PRDM7: variants seen among roughly 807,000 people sequenced by gnomAD.
PRDM7 encodes the protein histone-lysine N-methyltransferase PRDM7.
A neutral mutation model predicts 64.3 loss-of-function variants in PRDM7; 52 were observed. The observed-to-expected ratio is 0.81, with a 90% CI of 0.65 to 1.02. The LOEUF (loss-of-function observed/expected upper bound fraction) is 1.02, where lower values mean the gene tolerates loss of function less well. Ranked by LOEUF, PRDM7 falls within the 50% of genes least tolerant of loss-of-function variation. The pLI, the probability that PRDM7 is intolerant of heterozygous loss-of-function variation, is 0.00. For synonymous variants in PRDM7, 192 were observed against 210.1 expected, an observed-to-expected ratio of 0.91 and a Z score of 0.74; for missense variants, 574 against 597.1, an observed-to-expected ratio of 0.96 and a Z score of 0.40.
intron 4 of PRDM7, among the ~76,000 whole-genome samples, chr16:90,073,829 C>T (rs1312867911): frequency 6.6e-6 from 1 of 151,716 alleles, no homozygotes; most frequent in Non-Finnish European, 1.5e-5. Flanking sequence ...GTTGCCCAGG[C>T]TGGAGGGTGG....
Position 90,062,454 on chromosome 16 carries a change from C to G in PRDM7, c.557G>C (p.Arg186Thr). The G allele has an allele frequency of 6.2e-7, 1 of 1,614,174 alleles. No homozygotes were observed. Among genetic ancestry groups the G allele is most frequent in the Non-Finnish European group, 8.5e-7 (1 of 1,180,038 alleles). ...GATCTCTTTGTATGCATGACCCTTT[C>G]TTTCTCGCAGGCTATACATCTTTCC... ...TEGKMYSLRE[R>T]KGHAYKEISE... The change falls in exon 7 of 11, where the codon AGA becomes ACA. Residue 186 changes from arginine (R) to threonine (T), a missense_variant. Coordinates refer to ENST00000449207, the MANE Select transcript of PRDM7 (RefSeq NM_001098173.2).
intron 4 of PRDM7, among the ~76,000 whole-genome samples, chr16:90,071,897 T>A (rs542573722): frequency 1.8e-4 from 28 of 152,122 alleles, no homozygotes; most frequent in African/African-American, 5.8e-4. Context: ...TATAATATAT[T>A]AAAAAGAATT....
intron 4 of PRDM7, among the ~76,000 whole-genome samples, chr16:90,073,350 T>C (rs1396353984): frequency 6.6e-6 from 1 of 152,184 alleles, no homozygotes; most frequent in African/African-American, 2.4e-5. Context: ...TGTGATTTAT[T>C]AACATTGTTT....
intron 4 of PRDM7, among the ~76,000 whole-genome samples, chr16:90,073,666 T>C (rs2037994361): frequency 6.6e-6 from 1 of 152,200 alleles, no homozygotes; most frequent in African/African-American, 2.4e-5. Flanking sequence ...CCCAAAGTGC[T>C]GGGATTACAT....
At position 90,058,274 on chromosome 16, in the gene PRDM7, G is replaced by T. The variant is rs1214342594; in HGVS notation, c.*15C>A. On this transcript the variant is annotated 3_prime_UTR_variant, in exon 11 of 11. Transcript: ENST00000449207. ...GAAAAGGCCCTTGAAATCTCCCTCT[G>T]CCATGTCCTTTTATTCAAGAGTTTG... The T allele has an allele frequency of 3.1e-6, 5 of 1,614,132 alleles. No homozygotes were observed. The South Asian group carries it at 5.5e-5, about 18-fold the overall frequency.
intron 1 of PRDM7, among the ~76,000 whole-genome samples, chr16:90,076,902 T>C (rs1186858925): frequency 2.6e-5 from 4 of 151,812 alleles, no homozygotes; most frequent in African/African-American, 9.7e-5. Context: ...TTATCTGTGG[T>C]TGGGGAAATC....
intron 7 of PRDM7, 66 bp from the exon 8 acceptor site, chr16:90,062,258 A>G (rs2037793140): frequency 1.2e-6 from 2 of 1,614,140 alleles, no homozygotes; most frequent in Non-Finnish European, 1.7e-6. Flanking sequence ...AGAGCTTCAG[A>G]AAGAGCGTGG....
At chr16:90,074,812 G>A in intron 4 of PRDM7, 104 bp downstream of exon 4, 2 of 1,145,568 alleles carry the variant, frequency 1.7e-6, no homozygotes, top group South Asian at 1.4e-5. Flanking sequence ...CTGGGAGGCA[G>A]AGGTTGCCGT....
intron 4 of PRDM7, among the ~76,000 whole-genome samples, chr16:90,072,112 T>C (rs1055676617): frequency 6.6e-6 from 1 of 151,718 alleles, no homozygotes; most frequent in African/African-American, 2.4e-5. Context: ...GCGCTTGTAG[T>C]CCCAGCTACT....
intron 4 of PRDM7, among the ~76,000 whole-genome samples, chr16:90,069,789 C>T (rs1293746621): frequency 6.6e-6 from 1 of 151,118 alleles, no homozygotes; most frequent in East Asian, 1.9e-4. Flanking sequence ...CACTGTGGCT[C>T]ATGGGTGTAA....
At position 90,068,533 on chromosome 16, in the gene PRDM7, G is replaced by A. The variant is rs757998455; in HGVS notation, c.302-1623C>T. Among the ~76,000 whole-genome samples, 13 of 150,016 alleles carry A rather than the reference G, an allele frequency of 8.7e-5. 1 individual carries two copies. The highest frequency in any genetic ancestry group is 1.3e-4 in the Non-Finnish European group (9 of 67,886). ...GCCTGTAGTCCCAGCTACTCAGGAG[G>A]CCGAGGCAGGAGAATGGCATGAACC... On this transcript the variant is annotated intron_variant, in intron 4 of 10. Transcript: ENST00000449207.
chr16:90,061,179 C>G (rs1156750695), intron 9 of PRDM7, among the ~76,000 whole-genome samples: 2 of 152,178 alleles, frequency 1.3e-5, no homozygotes, highest in Non-Finnish European at 2.9e-5. Flanking sequence ...ATGTGGATTA[C>G]ATAAATTAAA....
intron 9 of PRDM7, among the ~76,000 whole-genome samples, 180 bp downstream of exon 9, chr16:90,061,272 A>G (rs1241539880): frequency 2.0e-5 from 3 of 152,214 alleles, no homozygotes; most frequent in Admixed American, 6.5e-5. Flanking sequence ...CCAATAAATC[A>G]TAATATCTAT....
chr16:90,067,655 A>G (rs2037897843), intron 4 of PRDM7, among the ~76,000 whole-genome samples: 2 of 134,774 alleles, frequency 1.5e-5, no homozygotes, highest in South Asian at 4.6e-4. Context: ...CAGGGGCGCG[A>G]GGTCGGCTCA....
intron 4 of PRDM7, among the ~76,000 whole-genome samples, chr16:90,071,617 C>A (rs554904213): frequency 2.0e-5 from 3 of 152,098 alleles, no homozygotes; most frequent in Non-Finnish European, 2.9e-5. Flanking sequence ...TCATCGGAAC[C>A]CACTCCTGCA....
chr16:90,060,729 C>T (rs1318598680), intron 9 of PRDM7, 106 bp from the exon 10 acceptor site: 1 of 1,526,764 alleles, frequency 6.5e-7, no homozygotes, highest in African/African-American at 1.4e-5. Context: ...TGTGCCTAAT[C>T]AGCCATTTTT....
At position 90,056,792 on chromosome 16, in the gene PRDM7, T is replaced by G. The variant is rs1455284529; in HGVS notation, c.*1497A>C. ...CAGACCGGGAAGTTTCACAATGTCT[T>G]TCTATAATCTATAGATAACATCAGT... On this transcript the variant is annotated 3_prime_UTR_variant, in exon 11 of 11. Transcript: ENST00000449207. The G allele has an allele frequency of 6.6e-6, 1 of 152,174 alleles. No individual in the cohort carries two copies. Among genetic ancestry groups the G allele is most frequent in the Non-Finnish European group, 1.5e-5 (1 of 68,042 alleles). 9.4% of individuals were successfully genotyped at this position (152,174 alleles called of 1,614,324 possible).
At chr16:90,061,362 T>C (rs2037773370) in intron 9 of PRDM7, 90 bp downstream of exon 9, 1 of 1,334,972 alleles carries the variant, frequency 7.5e-7, no homozygotes, top group Non-Finnish European at 1.1e-6. Flanking sequence ...GATGTGAAAA[T>C]CATTGAGGGA....
rs530804391 is a variant in PRDM7, at chr16:90,075,692, T to G, written c.69+150A>C. On this transcript the variant is annotated intron_variant, in intron 2 of 10. Coordinates refer to ENST00000449207, the MANE Select transcript of PRDM7 (RefSeq NM_001098173.2). This position sits in a 1 kb window ranked among gnomAD's most constrained non-coding sequence, Gnocchi z 4.3. ...CACAGAGCAGTCGCTGATGCTAGTG[T>G]TCTTTTCTCCCCCATGTCCTGGCCA... 70 of 1,241,694 alleles carry G rather than the reference T, an allele frequency of 5.6e-5. No individual in the cohort carries two copies. In the South Asian group the frequency reaches 9.3e-4, roughly 17 times the overall value. The allele number at this position is 1,241,694 out of a possible 1,614,324, so 76.9% of individuals were successfully genotyped here.
Sources: gnomAD v4.1 joint callset for allele counts (sites outside exome capture counted in the v4.1 genomes callset) on GRCh38, gnomAD v4.1.1 for gene constraint, Gnocchi (gnomAD v3.1) non-coding constraint, MANE v1.5 for transcripts, NCBI Gene and HGNC (gene_info 2026-07-23, HGNC 2026-07-21) for gene names.